The following SCIMP variants were observed in gnomAD, a reference collection of about 807,000 sequenced individuals.
SCIMP encodes the protein SLP adapter and CSK-interacting membrane protein.
Under a neutral mutation model 22.0 loss-of-function variants are expected in SCIMP, and 18 were observed. That is an observed-to-expected ratio of 0.82 (90% confidence interval 0.56 to 1.21). The LOEUF is 1.21. Among genes scored for constraint, SCIMP ranks in the 50% most tolerant of loss-of-function variants. The pLI, the probability that SCIMP is intolerant of heterozygous loss-of-function variation, is 0.00. For missense variants in SCIMP, 155 were observed against 171.2 expected, an observed-to-expected ratio of 0.91 and a Z score of 0.53; for synonymous variants, 53 against 62.2, an observed-to-expected ratio of 0.85 and a Z score of 0.70.
chr17:5,221,613 G>A (rs2304905), intron 2 of SCIMP, among the ~76,000 whole-genome samples: 8,440 of 152,194 alleles, frequency 0.055, 302 homozygotes, highest in East Asian at 0.16. Context: ...TGGTTGGGAG[G>A]AAATCAGATA....
At position 5,227,848 on chromosome 17, in the gene SCIMP, C is replaced by T. The variant is rs561221885; in HGVS notation, c.22-4392G>A. On this transcript the variant is annotated intron_variant, in intron 1 of 4. Coordinates refer to ENST00000574081, the MANE Select transcript of SCIMP (RefSeq NM_207103.3). ...CCGCATCCCAAGAAGAACTCAGCTACGTGAAGGGATGTCACTACCCCCTGC... is the reference window on the plus strand; with the variant it reads ...CCGCATCCCAAGAAGAACTCAGCTATGTGAAGGGATGTCACTACCCCCTGC... Among the ~76,000 whole-genome samples the T allele has an allele frequency of 3.1e-5, 4 of 129,738 alleles. No individual in the cohort carries two copies. In the South Asian group the frequency reaches 6.8e-4, roughly 22 times the overall value. 85.1% of individuals were successfully genotyped at this position (129,738 alleles called of 152,430 possible).
In SCIMP at chr17:5,214,927, G is replaced by A; in HGVS notation, c.281C>T (p.Ser94Phe). The A allele has an allele frequency of 6.5e-7, 1 of 1,550,214 alleles. No homozygotes were observed. The highest frequency in any genetic ancestry group is 2.4e-5 in the East Asian group (1 of 42,286). Residue 94 changes from serine (S) to phenylalanine (F), a missense_variant and splice_region_variant, in exon 4 of 5, where the codon TCT becomes TTT. By Grantham distance (155) the Ser-to-Phe change is radical. Coordinates refer to ENST00000574081, the MANE Select transcript of SCIMP (RefSeq NM_207103.3). ...PPRNWPSLED[S>F]SPQEAPSQPP... ...TGCTACCAGTAAAATATACTTACAA[G>A]AGTCTTCTAGAGAAGGCCAATTCCT...
rs2074518212 is a variant in SCIMP at position 5,210,392 on chromosome 17, T to G, written c.*409A>C. 1 of 157,964 alleles carries G rather than the reference T, an allele frequency of 6.3e-6. No individual in the cohort carries two copies. The highest frequency in any genetic ancestry group is 1.4e-5 in the Non-Finnish European group (1 of 71,630). The allele number at this position is 157,964 out of a possible 1,614,324, so 9.8% of individuals were successfully genotyped here. A position where few individuals can be genotyped will look rare whatever the true frequency, so the allele number is the denominator to read the frequency against. On this transcript the variant is annotated 3_prime_UTR_variant, in exon 5 of 5. Coordinates refer to ENST00000574081, the MANE Select transcript of SCIMP (RefSeq NM_207103.3). ...TGCTTGGTGAGGGCCTTGCTGGGGA[T>G]GGGAGCCTGGGAGGGTCTGCACAAC... is the stretch of plus-strand genomic sequence containing the variant.
intron 1 of SCIMP, among the ~76,000 whole-genome samples, chr17:5,230,037 AG>A (rs2074682263): frequency 6.6e-6 from 1 of 151,586 alleles, no homozygotes; most frequent in South Asian, 2.1e-4. Flanking sequence ...AATGTTGCCT[AG>A]GCTGGTTTCA....
At chr17:5,213,445 CA>C (rs1243254388) in intron 4 of SCIMP, 1 of 164,958 alleles carries the variant, frequency 6.1e-6, no homozygotes, top group Non-Finnish European at 1.3e-5. Flanking sequence ...CCATGTTGCC[CA>C]GGCTGTTCTC....
intron 1 of SCIMP, among the ~76,000 whole-genome samples, chr17:5,232,400 TATAAACAGTGCAAAC>T: frequency 1.2e-5 from 1 of 82,016 alleles, no homozygotes; most frequent in Admixed American, 1.2e-4. Flanking sequence ...GTATAAACAG[TATAAACAGTGCAAAC>T]AGTGCAGTGT....
chr17:5,234,123 T>C (rs561851111), intron 1 of SCIMP, among the ~76,000 whole-genome samples: 1 of 152,012 alleles, frequency 6.6e-6, no homozygotes, highest in Non-Finnish European at 1.5e-5. Context: ...ATACAGAAAT[T>C]AGCCAGGTGT....
intron 1 of SCIMP, among the ~76,000 whole-genome samples, chr17:5,224,499 G>T (rs1290432298): frequency 6.6e-6 from 1 of 150,456 alleles, no homozygotes; most frequent in African/African-American, 2.4e-5. Flanking sequence ...GGCTTGCTCT[G>T]TCGCCCAGGC....
chr17:5,221,331 G>C lies in SCIMP; in HGVS notation c.165C>G (p.Ala55=). 1 of 1,613,332 alleles carries C rather than the reference G, an allele frequency of 6.2e-7. No individual in the cohort carries two copies. Among genetic ancestry groups the C allele is most frequent in the Non-Finnish European group, 8.5e-7 (1 of 1,179,322 alleles). ...CTACTTGCTTGTGTTTCAGGGGCTT[G>C]GCAATTTCCCATTTCTTGCCTAAGA... ...QLRRGKKWEI[A]KPLKHKQVDE... is the part of the protein sequence containing the mutation. Residue 55 remains alanine (A), a synonymous_variant, in exon 3 of 5, where the codon GCC becomes GCG. Transcript: ENST00000574081.
At chr17:5,223,184 G>A in intron 2 of SCIMP, 149 bp downstream of exon 2, 2 of 747,630 alleles carry the variant, frequency 2.7e-6, no homozygotes, top group Non-Finnish European at 4.5e-6. Flanking sequence ...GTAGTGGCAG[G>A]GTTAGGACTC....
rs957084799 is a variant in SCIMP, at chr17:5,211,502, C to T, written c.284-547G>A. Among the ~76,000 whole-genome samples the T allele has an allele frequency of 2.1e-5, 3 of 145,672 alleles. No homozygotes were observed. In the South Asian group the frequency reaches 6.8e-4, roughly 33 times the overall value. On this transcript the variant is annotated intron_variant, in intron 4 of 4. Transcript: ENST00000574081. Reference sequence around the variant, plus strand: ...TCACGCCACTGCACTTCAGCCTGGACAACATGGTAAGACCCTGTCTCCAAA... The same window carrying T: ...TCACGCCACTGCACTTCAGCCTGGATAACATGGTAAGACCCTGTCTCCAAA...
At chr17:5,222,344 G>C (rs2074614956) in intron 2 of SCIMP, among the ~76,000 whole-genome samples, 1 of 152,098 alleles carries the variant, frequency 6.6e-6, no homozygotes, top group Non-Finnish European at 1.5e-5. Context: ...ACCCACCTCA[G>C]CCTCCCAAAG....
rs561011988 is a variant in SCIMP at position 5,223,899 on chromosome 17, C to A, written c.22-443G>T. 5.3e-5 allele frequency among the ~76,000 whole-genome samples: 8 copies of A among 152,284 alleles called. No homozygotes were observed. The South Asian group carries it at 6.2e-4, about 12-fold the overall frequency. ...CAGACATCTGCTTAGGAATCAGGCA[C>A]TGGATCACAGCCATACCCTACTCAT... On this transcript the variant is annotated intron_variant, in intron 1 of 4. Transcript: ENST00000574081.
intron 3 of SCIMP, among the ~76,000 whole-genome samples, chr17:5,219,564 G>A (rs922721757): frequency 6.6e-6 from 1 of 152,050 alleles, no homozygotes; most frequent in African/African-American, 2.4e-5. Context: ...GGAGGCAGAG[G>A]TTGCAGGGAG....
At position 5,226,560 on chromosome 17, in the gene SCIMP, C is replaced by T. The variant is rs915363350; in HGVS notation, c.22-3104G>A. ...CGCTCTTGTACCCCAGGCTGGAGTGCGATGGCGTGATCTCGGCTCACTGCA... is the reference window on the plus strand; with the variant it reads ...CGCTCTTGTACCCCAGGCTGGAGTGTGATGGCGTGATCTCGGCTCACTGCA... On this transcript the variant is annotated intron_variant, in intron 1 of 4. Transcript: ENST00000574081. 3.3e-4 allele frequency among the ~76,000 whole-genome samples: 48 copies of T among 145,282 alleles called. 1 individual carries two copies. The highest frequency in any genetic ancestry group is 6.4e-4 in the South Asian group (3 of 4,698).
At chr17:5,213,026 T>TTTTTTTTTTTTTTTTTTTTTTTTTTTTTG (rs1555612865) in intron 4 of SCIMP, 12 of 596,476 alleles carry the variant, frequency 2.0e-5, no homozygotes, top group African/African-American at 8.5e-5. Context: ...TGGTAACTTC[T>TTTTTTTTTTTTTTTTTTTTTTTTTTTTTG]GAGCTGACAT....
intron 3 of SCIMP, among the ~76,000 whole-genome samples, chr17:5,217,542 C>T (rs557801128): frequency 4.2e-4 from 63 of 150,970 alleles, no homozygotes; most frequent in Middle Eastern, 3.4e-3. Flanking sequence ...AGGTATATCT[C>T]CTAATGCTAT....
At chr17:5,224,197 C>T (rs932448957) in intron 1 of SCIMP, among the ~76,000 whole-genome samples, 6 of 152,120 alleles carry the variant, frequency 3.9e-5, no homozygotes, top group Admixed American at 2.6e-4. Flanking sequence ...TGCAGTGGCG[C>T]GATCTGGGCT....
At chr17:5,228,615 A>G (rs2074670285) in intron 1 of SCIMP, among the ~76,000 whole-genome samples, 2 of 152,146 alleles carry the variant, frequency 1.3e-5, no homozygotes, top group Non-Finnish European at 2.9e-5. Context: ...ACTGCACTCC[A>G]GCCTGAGTGA....
Sources: allele counts gnomAD v4.1 joint callset (sites outside exome capture counted in the v4.1 genomes callset), GRCh38; gene constraint gnomAD v4.1.1; transcripts MANE v1.5; gene names NCBI Gene and HGNC (gene_info 2026-07-23, HGNC 2026-07-21).